UNC93A: variants seen among roughly 807,000 people sequenced by gnomAD.
The protein encoded by UNC93A is unc-93 homolog A, also known as N-acetylglucosamine transporter UNC93A.
In UNC93A, 43 loss-of-function variants were observed where a neutral mutation model predicts 47.5. The observed-to-expected ratio is 0.91, with a 90% CI of 0.71 to 1.17. UNC93A has a LOEUF of 1.17. Ranked by LOEUF, UNC93A falls within the 50% of genes most tolerant of loss-of-function variation. The probability of loss-of-function intolerance (pLI) is 0.00; values close to 1 mark genes in which losing one functional copy is unlikely to be tolerated. For synonymous variants in UNC93A, 280 were observed against 258.0 expected (o/e 1.09, Z -0.82); for missense variants, 605 against 577.6 (o/e 1.05, Z -0.49).
intron 1 of UNC93A, among the ~76,000 whole-genome samples, chr6:167,282,267 T>C (rs991328657): frequency 1.9e-4 from 29 of 152,184 alleles, no homozygotes; most frequent in Admixed American, 7.2e-4. Context: ...TCTCAGCTAG[T>C]CAACCATGAG....
At position 167,291,416 on chromosome 6, in the gene UNC93A, A is replaced by T; in HGVS notation, c.-74A>T. The T allele has an allele frequency of 7.5e-7, 1 of 1,341,126 alleles. No homozygotes were observed. 83.1% of individuals were successfully genotyped at this position (1,341,126 alleles called of 1,614,324 possible). ...CTTCTTGGTACTGATTGTTTTTCCC[A>T]TGCCTCAATTGGTTTCTTTTAGGGA... is the stretch of plus-strand genomic sequence containing the variant. On this transcript the variant is annotated 5_prime_UTR_variant, in exon 1 of 8. An upstream start codon of the reference 5' UTR is lost. Coordinates refer to ENST00000230256, the MANE Select transcript of UNC93A (RefSeq NM_018974.4).
intron 7 of UNC93A, among the ~76,000 whole-genome samples, chr6:167,311,743 G>A (rs1778559305): frequency 6.6e-6 from 1 of 152,284 alleles, no homozygotes; most frequent in Admixed American, 6.5e-5. Flanking sequence ...TCTAAATACA[G>A]CTTTTATTTT....
In UNC93A at chr6:167,315,237, T is replaced by G. The variant is rs663227; in HGVS notation, c.1159T>G (p.Tyr387Asp). ...EKSKEAAFAN[Y>D]RLWEALGFVI... Reference sequence around the variant, plus strand: ...GAGCAAGGAAGCTGCCTTCGCCAATTACCGCCTGTGGGAGGCCCTGGGCTT... The same window carrying G: ...GAGCAAGGAAGCTGCCTTCGCCAATGACCGCCTGTGGGAGGCCCTGGGCTT... Residue 387 changes from tyrosine (Y) to aspartate (D), a missense_variant, in exon 8 of 8, where the codon TAC becomes GAC. Tyr to Asp is a radical substitution (Grantham distance 160, BLOSUM62 -3). Transcript: ENST00000230256. 5 of 1,609,356 alleles carry G rather than the reference T, an allele frequency of 3.1e-6. No individual in the cohort carries two copies. Among genetic ancestry groups the G allele is most frequent in the Admixed American group, 1.7e-5 (1 of 59,268 alleles).
intron 6 of UNC93A, 93 bp from the exon 7 acceptor site, chr6:167,307,686 G>C: frequency 4.0e-6 from 6 of 1,505,870 alleles, no homozygotes; most frequent in Middle Eastern, 3.5e-4. Flanking sequence ...GAGGACGGTT[G>C]AGATGGTTGC....
intron 5 of UNC93A, among the ~76,000 whole-genome samples, chr6:167,305,450 G>A (rs1461777399): frequency 6.6e-6 from 1 of 152,186 alleles, no homozygotes; most frequent in African/African-American, 2.4e-5. Flanking sequence ...GCCCGTGATG[G>A]GAGTGTGGTG....
chr6:167,306,062 C>A lies in UNC93A; in HGVS notation c.976+12C>A. On this transcript the variant is annotated intron_variant, in intron 6 of 7. Transcript: ENST00000230256. The stretch of plus-strand genomic sequence containing the variant: ...GCTGTACGTGCTGGGTAGGTATCAG[C>A]GTGGGTCCCATCCCAGCTGTCATAA... 1 of 1,613,818 alleles carries A rather than the reference C, an allele frequency of 6.2e-7. No homozygotes were observed. The highest frequency in any genetic ancestry group is 8.5e-7 in the Non-Finnish European group (1 of 1,179,850).
chr6:167,285,561 G>T (rs9459961), intron 1 of UNC93A, among the ~76,000 whole-genome samples: 1 of 151,698 alleles, frequency 6.6e-6, no homozygotes, highest in African/African-American at 2.4e-5. Context: ...GGCCTCTGTC[G>T]CAAGCACAGG....
At chr6:167,301,159 C>T (rs1044349877) in intron 4 of UNC93A, among the ~76,000 whole-genome samples, 2 of 152,274 alleles carry the variant, frequency 1.3e-5, no homozygotes, top group African/African-American at 4.8e-5. Flanking sequence ...TCTGTGGCTT[C>T]CAGGCCCTTC....
chr6:167,294,521 G>A lies in UNC93A; in HGVS notation c.92G>A (p.Ser31Asn). The A allele has an allele frequency of 6.2e-7, 1 of 1,614,010 alleles. No homozygotes were observed. The highest frequency in any genetic ancestry group is 8.5e-7 in the Non-Finnish European group (1 of 1,179,976). ...GGGCTGGCTTTGTTCCCACAGAGCA[G>A]CCTGTACAGCGAGGAGGGCCTGGGT... The part of the protein sequence containing the change: ...AYGGLQSLQS[S>N]LYSEEGLGVT... Residue 31 changes from serine to asparagine, a missense_variant, in exon 2 of 8, where the codon AGC becomes AAC. Transcript: ENST00000230256.
intron 2 of UNC93A, 125 bp downstream of exon 2, chr6:167,294,823 T>G: frequency 9.2e-7 from 1 of 1,084,960 alleles, no homozygotes; most frequent in Non-Finnish European, 1.3e-6. Flanking sequence ...AAATGAGCTC[T>G]CCTGCCCCTG....
At chr6:167,300,283 A>G (rs1382455305) in intron 4 of UNC93A, among the ~76,000 whole-genome samples, 1 of 152,098 alleles carries the variant, frequency 6.6e-6, no homozygotes, top group Non-Finnish European at 1.5e-5. Context: ...AGCAGAGGGA[A>G]TTGTTACAGA....
At chr6:167,311,976 C>A (rs1220900271) in intron 7 of UNC93A, among the ~76,000 whole-genome samples, 1 of 123,532 alleles carries the variant, frequency 8.1e-6, no homozygotes, top group Non-Finnish European at 1.8e-5. Flanking sequence ...CTCCAGGCTT[C>A]CCACGAGGGT....
intron 1 of UNC93A, among the ~76,000 whole-genome samples, chr6:167,276,080 C>G (rs1583058309): frequency 7.4e-6 from 1 of 135,064 alleles, no homozygotes; most frequent in Non-Finnish European, 1.6e-5. Context: ...TTTTTTTTAG[C>G]TCACACATAT....
chr6:167,311,058 A>G (rs4709164), intron 7 of UNC93A, among the ~76,000 whole-genome samples: 41,704 of 152,008 alleles, frequency 0.27, 6,086 homozygotes, highest in East Asian at 0.53. Flanking sequence ...TTTTGAAAAA[A>G]CTGGAAATTT....
chr6:167,295,691 G>GTGATCCTCGCCTC (rs1778059568), intron 2 of UNC93A, among the ~76,000 whole-genome samples: 1 of 38,406 alleles, frequency 2.6e-5, no homozygotes, highest in Non-Finnish European at 4.9e-5. Flanking sequence ...CTCCTCGCCT[G>GTGATCCTCGCCTC]CCTCGTGCTC....
At chr6:167,296,004 A>T (rs372354175) in intron 2 of UNC93A, 28 bp from the exon 3 acceptor site, 4 of 1,601,750 alleles carry the variant, frequency 2.5e-6, no homozygotes, top group African/African-American at 2.7e-5. Context: ...CTCCTGTTAC[A>T]GGCTATGGGT....
At chr6:167,291,648 T>C in intron 1 of UNC93A, 72 bp downstream of exon 1, 1 of 1,441,836 alleles carries the variant, frequency 6.9e-7, no homozygotes, top group Non-Finnish European at 9.5e-7. Context: ...CAGACAATAA[T>C]GAATTGGAAA....
chr6:167,276,724 A>G (rs1339294000), intron 1 of UNC93A, among the ~76,000 whole-genome samples: 1 of 152,174 alleles, frequency 6.6e-6, no homozygotes, highest in Admixed American at 6.5e-5. Context: ...TTCACAGGAC[A>G]CTACTGCTGT....
upstream of UNC93A, among the ~76,000 whole-genome samples, chr6:167,290,024 C>T (rs191537066): frequency 6.0e-4 from 91 of 152,220 alleles, no homozygotes; most frequent in Middle Eastern, 3.4e-3. Context: ...TGCTATATAT[C>T]GGGTGCTGTT....
Sources: gnomAD v4.1 joint callset for allele counts (sites outside exome capture counted in the v4.1 genomes callset) on GRCh38, gnomAD v4.1.1 for gene constraint, MANE v1.5 for transcripts, NCBI Gene and HGNC (gene_info 2026-07-23, HGNC 2026-07-21) for gene names.